CEP170: variants seen among roughly 807,000 people sequenced by gnomAD.
CEP170 encodes the protein centrosomal protein 170.
A neutral mutation model predicts 151.9 loss-of-function variants in CEP170; 21 were observed. The observed-to-expected ratio is 0.14, with a 90% CI of 0.10 to 0.20. CEP170 has a LOEUF of 0.20. CEP170 is among the 10% of genes least tolerant of loss of function. CEP170 has a pLI of 1.00. For synonymous variants in CEP170, 356 were observed against 648.8 expected (o/e 0.55, Z 6.86); for missense variants, 964 against 1,892.9 (o/e 0.51, Z 9.11).
At chr1:243,231,606 T>C (rs1193352410) in intron 1 of CEP170, among the ~76,000 whole-genome samples, 1 of 152,298 alleles carries the variant, frequency 6.6e-6, no homozygotes, top group East Asian at 1.9e-4. Flanking sequence ...CTCTTGAAAC[T>C]AAATTGATAT....
chr1:243,157,735 G>C (rs1217724046), intron 13 of CEP170, among the ~76,000 whole-genome samples: 1 of 152,152 alleles, frequency 6.6e-6, no homozygotes, highest in East Asian at 1.9e-4. Context: ...GATCTCTAAG[G>C]CTGAGGTTGC....
chr1:243,220,637 T>C (rs551491258), intron 3 of CEP170, among the ~76,000 whole-genome samples: 1 of 152,226 alleles, frequency 6.6e-6, no homozygotes, highest in Non-Finnish European at 1.5e-5. Context: ...GCATGAATAG[T>C]CTGAAGCAGT....
At chr1:243,189,284 C>T (rs1228921864) in intron 8 of CEP170, among the ~76,000 whole-genome samples, 7 of 152,028 alleles carry the variant, frequency 4.6e-5, no homozygotes, top group Admixed American at 2.0e-4. Flanking sequence ...AGGCCAGGCG[C>T]GGTGGCTCAC....
At chr1:243,161,118 T>C (rs1201378084) in intron 13 of CEP170, among the ~76,000 whole-genome samples, 1 of 149,308 alleles carries the variant, frequency 6.7e-6, no homozygotes, top group Non-Finnish European at 1.5e-5. Context: ...GCCTGCCCAA[T>C]ATGGTGAAGC....
chr1:243,161,260 G>A (rs1233347116), intron 13 of CEP170, among the ~76,000 whole-genome samples: 1 of 149,856 alleles, frequency 6.7e-6, no homozygotes, highest in Non-Finnish European at 1.5e-5. Context: ...CCGAGATTGT[G>A]CCATTACACT....
intron 7 of CEP170, among the ~76,000 whole-genome samples, chr1:243,195,655 G>A (rs552819367): frequency 4.0e-5 from 6 of 151,596 alleles, no homozygotes; most frequent in East Asian, 1.9e-4. Context: ...AACTAATCAC[G>A]TATATTCCAC....
chr1:243,163,932 A>G (rs1205172493), intron 13 of CEP170, among the ~76,000 whole-genome samples: 1 of 152,256 alleles, frequency 6.6e-6, no homozygotes, highest in Non-Finnish European at 1.5e-5. Context: ...GTTAATTCCT[A>G]TACTTTAAAC....
At chr1:243,251,858 G>T (rs776162568) in intron 1 of CEP170, among the ~76,000 whole-genome samples, 1 of 151,942 alleles carries the variant, frequency 6.6e-6, no homozygotes, top group Non-Finnish European at 1.5e-5. Flanking sequence ...TATAAAAGTG[G>T]GCTTTAACAG....
chr1:243,213,161 C>T (rs1221111074), intron 3 of CEP170, among the ~76,000 whole-genome samples: 1 of 151,722 alleles, frequency 6.6e-6, no homozygotes. Flanking sequence ...GACTACTCCA[C>T]ATTTCAAGGG....
intron 4 of CEP170, among the ~76,000 whole-genome samples, chr1:243,206,072 A>G (rs948872931): frequency 6.6e-6 from 1 of 152,208 alleles, no homozygotes; most frequent in Non-Finnish European, 1.5e-5. Context: ...AATACAGTGG[A>G]GCAACATCTT....
At chr1:243,143,364 T>C (rs1479097960) in intron 14 of CEP170, among the ~76,000 whole-genome samples, 2 of 152,106 alleles carry the variant, frequency 1.3e-5, no homozygotes, top group Admixed American at 6.6e-5. Flanking sequence ...CACCTTTAGA[T>C]GTAGCTAAGG....
chr1:243,208,015 A>T (rs560145155), intron 4 of CEP170, among the ~76,000 whole-genome samples: 8 of 152,292 alleles, frequency 5.3e-5, no homozygotes, highest in Non-Finnish European at 8.8e-5. Context: ...TTTTCTCCAC[A>T]AAACTTGCTC....
chr1:243,237,891 C>T (rs1295129645), intron 1 of CEP170, among the ~76,000 whole-genome samples: 3 of 151,960 alleles, frequency 2.0e-5, no homozygotes, highest in East Asian at 1.9e-4. Context: ...GGCAACAGAA[C>T]GAGACTCCAT....
rs371392454 is a variant in CEP170 at position 243,152,521 on chromosome 1, A to ATTTTTTT, written c.3911+3693_3911+3699dup. ...CAGGCGTGAGCCACCGCGCCCAGCC[A>ATTTTTTT]TTTTTTTTTTTTTTTTTTTTTTTTT... On this transcript the variant is annotated intron_variant, in intron 14 of 19. Transcript: ENST00000366542. Among the ~76,000 whole-genome samples, 36 of 54,952 alleles carry ATTTTTTT rather than the reference A, an allele frequency of 6.6e-4. 8 individuals are homozygous for ATTTTTTT. Among genetic ancestry groups the ATTTTTTT allele is most frequent in the South Asian group, 3.1e-3 (3 of 960 alleles). The allele number at this position is 54,952 out of a possible 152,430, so 36.1% of individuals were successfully genotyped here.
chr1:243,222,717 CATA>C (rs1053806472), intron 2 of CEP170, among the ~76,000 whole-genome samples: 3 of 152,158 alleles, frequency 2.0e-5, no homozygotes, highest in South Asian at 2.1e-4. Flanking sequence ...CTCCCATCTT[CATA>C]ATAAGAAAAA....
intron 7 of CEP170, among the ~76,000 whole-genome samples, chr1:243,198,767 G>T (rs906978195): frequency 6.6e-6 from 1 of 151,836 alleles, no homozygotes; most frequent in East Asian, 1.9e-4. Context: ...AACTTAAAAT[G>T]CCTAGTTATA....
chr1:243,192,221 A>G lies in CEP170; in HGVS notation c.632-727T>C, dbSNP rs371002612. Among the ~76,000 whole-genome samples, 7 of 152,144 alleles carry G rather than the reference A, an allele frequency of 4.6e-5. No individual in the cohort carries two copies. The East Asian group carries it at 7.7e-4, about 17-fold the overall frequency. On this transcript the variant is annotated intron_variant, in intron 7 of 19. Transcript: ENST00000366542. ...CCAGACAATAACTCTGGAAGTTTAC[A>G]TTTCCATACAGCAGAATATGCAAAA...
intron 15 of CEP170, among the ~76,000 whole-genome samples, chr1:243,141,880 G>C (rs2055876156): frequency 6.6e-6 from 1 of 152,182 alleles, no homozygotes; most frequent in African/African-American, 2.4e-5. Context: ...AATTATTAAA[G>C]CAGTGAAACT....
Position 243,125,598 on chromosome 1 carries a change from A to C in CEP170, c.*851T>G, listed in dbSNP as rs2053634317. On this transcript the variant is annotated 3_prime_UTR_variant, in exon 20 of 20. Transcript: ENST00000366542. ...TATACTCCACCTAAACTATCTGTCTAGTTTAATCTTTCTAGTTATCATTTA... is the reference window on the plus strand; with the variant it reads ...TATACTCCACCTAAACTATCTGTCTCGTTTAATCTTTCTAGTTATCATTTA... 6.5e-6 allele frequency: 1 copy of C among 154,760 alleles called. No homozygotes were observed. The highest frequency in any genetic ancestry group is 6.3e-5 in the Admixed American group (1 of 15,758). The allele number at this position is 154,760 out of a possible 1,614,324, so 9.6% of individuals were successfully genotyped here. A position where few individuals can be genotyped will look rare whatever the true frequency, so the allele number is the denominator to read the frequency against.
Sources: gnomAD v4.1 joint callset for allele counts (sites outside exome capture counted in the v4.1 genomes callset) on GRCh38, gnomAD v4.1.1 for gene constraint, MANE v1.5 for transcripts, NCBI Gene and HGNC (gene_info 2026-07-23, HGNC 2026-07-21) for gene names.